KHDRBS2: variants seen among roughly 807,000 people sequenced by gnomAD.
KHDRBS2 encodes the protein KH RNA binding domain containing, signal transduction associated 2.
KHDRBS2 carries 26 observed loss-of-function variants against 44.3 expected under a neutral mutation model. The ratio of observed to expected loss-of-function variants is 0.59; its 90% CI spans 0.43 to 0.81. KHDRBS2 has a LOEUF of 0.81. KHDRBS2 is among the 40% of genes least tolerant of loss of function. The pLI is 0.00. For synonymous variants in KHDRBS2, 194 were observed against 151.1 expected, an observed-to-expected ratio of 1.28 and a Z score of -2.08; for missense variants, 476 against 433.1, an observed-to-expected ratio of 1.10 and a Z score of -0.88.
chr6:61,623,722 C>A, the KHDRBS2 span, among the ~76,000 whole-genome samples: 34 of 152,280 alleles, frequency 2.2e-4, no homozygotes, highest in Admixed American at 1.4e-3. Context: ...TGCTTCAGTG[C>A]CTGTGCTCCA....
intron 2 of KHDRBS2, among the ~76,000 whole-genome samples, chr6:62,168,544 T>C (rs962777839): frequency 8.5e-5 from 13 of 152,260 alleles, no homozygotes; most frequent in Admixed American, 5.2e-4. Context: ...TAACGAAATA[T>C]AGCACAGCTT....
At chr6:62,109,149 C>T (rs143744720) in intron 2 of KHDRBS2, among the ~76,000 whole-genome samples, 336 of 150,284 alleles carry the variant, frequency 2.2e-3, no homozygotes, top group African/African-American at 6.7e-3. Context: ...GAACAAGGGA[C>T]GGTTGTCCTA....
chr6:62,080,010 A>G (rs1797090723), intron 2 of KHDRBS2, among the ~76,000 whole-genome samples: 1 of 151,992 alleles, frequency 6.6e-6, no homozygotes, highest in African/African-American at 2.4e-5. Flanking sequence ...TAAAATGTAC[A>G]ATGTTTCTGA....
At chr6:62,141,881 T>C (rs570021427) in intron 2 of KHDRBS2, among the ~76,000 whole-genome samples, 29 of 152,104 alleles carry the variant, frequency 1.9e-4, no homozygotes, top group Non-Finnish European at 4.3e-4. Flanking sequence ...CTAAAACATA[T>C]TATCTTGTGT....
intron 4 of KHDRBS2, among the ~76,000 whole-genome samples, chr6:61,919,034 C>T (rs903078553): frequency 2.0e-5 from 3 of 151,866 alleles, no homozygotes; most frequent in Admixed American, 6.6e-5. Context: ...AACTTGACCC[C>T]ACTTCTGGAG....
At chr6:61,542,805 C>G in the KHDRBS2 span, among the ~76,000 whole-genome samples, 2 of 151,924 alleles carry the variant, frequency 1.3e-5, no homozygotes, top group Non-Finnish European at 2.9e-5. Flanking sequence ...ACAAAATTCA[C>G]AGACAATCTG....
At chr6:62,131,669 T>C (rs1315473766) in intron 2 of KHDRBS2, among the ~76,000 whole-genome samples, 8 of 152,194 alleles carry the variant, frequency 5.3e-5, no homozygotes, top group Non-Finnish European at 1.0e-4. Flanking sequence ...TGGTTTCCTA[T>C]TGGGGTCCTA....
rs537139880 is a variant in KHDRBS2 at position 61,856,050 on chromosome 6, C to G, written c.810+38585G>C. Among the ~76,000 whole-genome samples the G allele has an allele frequency of 3.9e-5, 6 of 152,246 alleles. No individual in the cohort carries two copies. In the East Asian group the frequency reaches 7.7e-4, roughly 20 times the overall value. ...CTATTTGAGTCACATCTGTGATTTT[C>G]ATCCAACTCTTCCTAGTCTCACTGT... On this transcript the variant is annotated intron_variant, in intron 6 of 8. Coordinates refer to ENST00000281156, the MANE Select transcript of KHDRBS2 (RefSeq NM_152688.4).
At chr6:61,911,831 C>T (rs1308844344) in intron 4 of KHDRBS2, among the ~76,000 whole-genome samples, 1 of 151,702 alleles carries the variant, frequency 6.6e-6, no homozygotes, top group East Asian at 1.9e-4. Flanking sequence ...TGCCACTTCA[C>T]AAAAATTATC....
rs528518223 is a variant in KHDRBS2, at chr6:62,108,644, A to C, written c.220-60650T>G. ...ATCATGTTGTTATAAAGACACATGC[A>C]CACGTATGTTCATTGCGGCACTATT... is the stretch of plus-strand genomic sequence containing the variant. On this transcript the variant is annotated intron_variant, in intron 2 of 8. Coordinates refer to ENST00000281156, the MANE Select transcript of KHDRBS2 (RefSeq NM_152688.4). Among the ~76,000 whole-genome samples, 213 of 152,330 alleles carry C rather than the reference A, an allele frequency of 1.4e-3. 2 individuals are homozygous for C. The highest frequency in any genetic ancestry group is 5.1e-3 in the African/African-American group (210 of 41,574).
the KHDRBS2 span, among the ~76,000 whole-genome samples, chr6:61,590,065 G>A: frequency 6.6e-6 from 1 of 152,098 alleles, no homozygotes; most frequent in Non-Finnish European, 1.5e-5. Flanking sequence ...CAGCCAAATA[G>A]AAACAAATAT....
chr6:62,172,639 T>C (rs1171684529), intron 2 of KHDRBS2, among the ~76,000 whole-genome samples: 1 of 140,050 alleles, frequency 7.1e-6, no homozygotes, highest in East Asian at 2.2e-4. Context: ...TATTTCTCTC[T>C]GCACATGGCA....
At chr6:61,983,245 T>TCTTTC (rs1376239482) in intron 3 of KHDRBS2, among the ~76,000 whole-genome samples, 1 of 139,984 alleles carries the variant, frequency 7.1e-6, no homozygotes, top group African/African-American at 2.7e-5. Context: ...TCTTTTTTTT[T>TCTTTC]TTTTTTTTTT....
At chr6:61,781,080 A>AT (rs1446629854) in intron 6 of KHDRBS2, among the ~76,000 whole-genome samples, 5 of 152,182 alleles carry the variant, frequency 3.3e-5, no homozygotes, top group African/African-American at 1.2e-4. Flanking sequence ...TCCCAAACAT[A>AT]TTTTCTAAAT....
chr6:61,619,835 G>C, the KHDRBS2 span, among the ~76,000 whole-genome samples: 1 of 152,070 alleles, frequency 6.6e-6, no homozygotes, highest in Non-Finnish European at 1.5e-5. Flanking sequence ...TCGGTACTTA[G>C]ATTGTTCTCA....
chr6:62,213,528 T>C (rs1267265160), intron 1 of KHDRBS2, among the ~76,000 whole-genome samples: 1 of 152,082 alleles, frequency 6.6e-6, no homozygotes, highest in Non-Finnish European at 1.5e-5. Flanking sequence ...CTAACCTTGA[T>C]AGAAAATACT....
At chr6:61,752,790 T>C (rs1050764386) in intron 6 of KHDRBS2, among the ~76,000 whole-genome samples, 1 of 151,796 alleles carries the variant, frequency 6.6e-6, no homozygotes, top group South Asian at 2.1e-4. Context: ...GTATATATTA[T>C]ACTATATGGA....
chr6:62,046,451 T>C (rs1476254844), intron 3 of KHDRBS2, among the ~76,000 whole-genome samples: 5 of 151,922 alleles, frequency 3.3e-5, no homozygotes, highest in African/African-American at 1.2e-4. Flanking sequence ...CTTAGCCTAT[T>C]ATAGGAGTTC....
At chr6:62,184,281 A>G (rs569183075) in intron 1 of KHDRBS2, among the ~76,000 whole-genome samples, 4 of 151,846 alleles carry the variant, frequency 2.6e-5, no homozygotes, top group East Asian at 1.9e-4. Flanking sequence ...CACAGAATAC[A>G]AGGAAACGAC....
Sources: allele counts gnomAD v4.1 joint callset (sites outside exome capture counted in the v4.1 genomes callset), GRCh38; gene constraint gnomAD v4.1.1; transcripts MANE v1.5; gene names NCBI Gene and HGNC (gene_info 2026-07-23, HGNC 2026-07-21).